SAMTOR: variants seen among roughly 807,000 people sequenced by gnomAD.
SAMTOR encodes S-adenosylmethionine sensor upstream of mTORC1.
the SAMTOR span, among the ~76,000 whole-genome samples, chr7:112,838,701 A>G: frequency 1.1e-4 from 16 of 152,044 alleles, no homozygotes; most frequent in South Asian, 3.3e-3. Flanking sequence ...CCATTTGAGC[A>G]TACTATTCTA....
At chr7:112,924,819 C>CTT in the SAMTOR span, among the ~76,000 whole-genome samples, 14 of 151,432 alleles carry the variant, frequency 9.2e-5, no homozygotes, top group African/African-American at 3.4e-4. Context: ...GGCCAATGTT[C>CTT]TTTTTTTTTT....
chr7:112,926,463 A>G, the SAMTOR span, among the ~76,000 whole-genome samples: 1 of 152,178 alleles, frequency 6.6e-6, no homozygotes, highest in African/African-American at 2.4e-5. Context: ...ATGGCTATCT[A>G]CCTCACTGAA....
the SAMTOR span, among the ~76,000 whole-genome samples, chr7:112,936,320 C>T: frequency 3.9e-5 from 6 of 152,318 alleles, no homozygotes; most frequent in African/African-American, 7.2e-5. Context: ...GCTTCAGATA[C>T]GAGTGCTGCC....
At chr7:112,929,212 GAT>G in the SAMTOR span, among the ~76,000 whole-genome samples, 1 of 149,814 alleles carries the variant, frequency 6.7e-6, no homozygotes, top group Non-Finnish European at 1.5e-5. Context: ...ATATCCAAAA[GAT>G]ATATAAAAAA....
the SAMTOR span, among the ~76,000 whole-genome samples, chr7:112,925,264 T>C: frequency 6.6e-6 from 1 of 152,206 alleles, no homozygotes; most frequent in Non-Finnish European, 1.5e-5. Context: ...AAATCATTCA[T>C]TAAGGTATTG....
At chr7:112,899,380 T>A in the SAMTOR span, among the ~76,000 whole-genome samples, 1 of 150,826 alleles carries the variant, frequency 6.6e-6, no homozygotes. Context: ...AAATACAGAA[T>A]CAGGGGAGAA....
At chr7:112,846,405 C>A in the SAMTOR span, among the ~76,000 whole-genome samples, 1 of 152,014 alleles carries the variant, frequency 6.6e-6, no homozygotes, top group African/African-American at 2.4e-5. Flanking sequence ...GAAAAAATAA[C>A]TATTGGATAT....
chr7:112,861,691 C>T, the SAMTOR span, among the ~76,000 whole-genome samples: 1 of 152,148 alleles, frequency 6.6e-6, no homozygotes, highest in Admixed American at 6.6e-5. Flanking sequence ...ATTCTCTCCT[C>T]TTCATTAAAT....
the SAMTOR span, among the ~76,000 whole-genome samples, chr7:112,848,103 T>A: frequency 6.6e-6 from 1 of 152,168 alleles, no homozygotes; most frequent in Non-Finnish European, 1.5e-5. Flanking sequence ...TACTGAGCTA[T>A]GATCATGCTA....
chr7:112,838,117 G>A, the SAMTOR span, among the ~76,000 whole-genome samples: 3 of 151,880 alleles, frequency 2.0e-5, no homozygotes, highest in Admixed American at 1.3e-4. Context: ...GTGAGAGAGC[G>A]GAAACAAGGC....
chr7:112,884,983 C>A, the SAMTOR span, among the ~76,000 whole-genome samples: 13 of 152,220 alleles, frequency 8.5e-5, no homozygotes, highest in African/African-American at 3.1e-4. Context: ...GGTTCCCAAA[C>A]CTCAATTCTT....
At chr7:112,939,737 G>GC in the SAMTOR span, 1 of 1,601,618 alleles carries the variant, frequency 6.2e-7, no homozygotes, top group Non-Finnish European at 8.5e-7. Flanking sequence ...TCGGCCGCCG[G>GC]CCCCTGGCTC....
the SAMTOR span, chr7:112,819,279 A>G: frequency 4.6e-5 from 7 of 152,628 alleles, no homozygotes; most frequent in African/African-American, 1.7e-4. Flanking sequence ...CACATGATCT[A>G]GTCATGATAC....
the SAMTOR span, among the ~76,000 whole-genome samples, chr7:112,863,365 T>G: frequency 1.3e-5 from 2 of 152,264 alleles, no homozygotes; most frequent in East Asian, 3.9e-4. Context: ...ATTCAGGACA[T>G]AAGCAAAGGC....
the SAMTOR span, among the ~76,000 whole-genome samples, chr7:112,879,044 G>A: frequency 3.3e-5 from 5 of 151,732 alleles, no homozygotes; most frequent in African/African-American, 4.8e-5. Context: ...TTTCTGGCTT[G>A]GATATGTGTA....
chr7:112,873,647 G>T, the SAMTOR span, among the ~76,000 whole-genome samples: 4 of 152,052 alleles, frequency 2.6e-5, no homozygotes, highest in Admixed American at 6.5e-5. Context: ...AGTGGACATT[G>T]GCCTAGGCAA....
chr7:112,917,504 A>G, the SAMTOR span, among the ~76,000 whole-genome samples: 1 of 152,230 alleles, frequency 6.6e-6, no homozygotes, highest in African/African-American at 2.4e-5. Context: ...GGGAAAAAAC[A>G]GAGCAGAAAA....
the SAMTOR span, chr7:112,939,478 G>A: frequency 5.4e-6 from 8 of 1,493,668 alleles, no homozygotes; most frequent in South Asian, 7.4e-5. Context: ...CGGCTGGGGG[G>A]ACGTGCAGAT....
chr7:112,939,813 G>A, the SAMTOR span: 2 of 1,341,640 alleles, frequency 1.5e-6, no homozygotes, highest in Non-Finnish European at 2.0e-6. Flanking sequence ...AGATGGAGGA[G>A]GTGGGGTAGG....
Sources: gnomAD v4.1 joint callset for allele counts (sites outside exome capture counted in the v4.1 genomes callset) on GRCh38, gnomAD v4.1.1 for gene constraint, MANE v1.5 for transcripts, NCBI Gene and HGNC (gene_info 2026-07-23, HGNC 2026-07-21) for gene names.